Variants in CMPK2 observed in about 807,000 individuals in gnomAD.
CMPK2 encodes the protein cytidine/uridine monophosphate kinase 2, also known as UMP-CMP kinase 2, mitochondrial.
In CMPK2, 32 loss-of-function variants were observed where a neutral mutation model predicts 33.4. The observed-to-expected ratio is 0.96, with a 90% CI of 0.72 to 1.29. The LOEUF is 1.29. CMPK2 is among the 50% of genes most tolerant of loss of function. The pLI, the probability that CMPK2 is intolerant of heterozygous loss-of-function variation, is 0.00. For synonymous variants in CMPK2, 299 were observed against 275.3 expected (o/e 1.09, Z -0.85); for missense variants, 672 against 616.0 (o/e 1.09, Z -0.96).
rs963916762 is a variant in CMPK2, at chr2:6,865,873, C to T, written c.-177G>A. On this transcript the variant is annotated 5_prime_UTR_variant, in exon 1 of 5. Transcript: ENST00000256722. ...CGGGGCAGGAGCCCTGGGGCTGGGG[C>T]GCCCTTCCGGCCTCTCCTCCTCGCC... is the stretch of plus-strand genomic sequence containing the variant. The T allele has an allele frequency of 7.2e-5, 99 of 1,368,160 alleles. No homozygotes were observed. Among genetic ancestry groups the T allele is most frequent in the Non-Finnish European group, 8.6e-5 (91 of 1,062,568 alleles). The allele number at this position is 1,368,160 out of a possible 1,614,324, so 84.8% of individuals were successfully genotyped here. A position where few individuals can be genotyped will look rare whatever the true frequency, so the allele number is the denominator to read the frequency against.
downstream of CMPK2, among the ~76,000 whole-genome samples, chr2:6,847,710 T>C (rs1458547610): frequency 6.6e-6 from 1 of 152,198 alleles, no homozygotes; most frequent in Admixed American, 6.5e-5. Flanking sequence ...CACCTCTGAA[T>C]ACAGCCGATA....
At chr2:6,845,618 T>C (rs1303218608), downstream of CMPK2, among the ~76,000 whole-genome samples, 3 of 152,156 alleles carry the variant, frequency 2.0e-5, no homozygotes, top group African/African-American at 7.2e-5. Flanking sequence ...GCTGGATTCC[T>C]AGACCCACTC....
At chr2:6,862,435 C>G (rs1433506195) in intron 2 of CMPK2, among the ~76,000 whole-genome samples, 1 of 152,242 alleles carries the variant, frequency 6.6e-6, no homozygotes, top group Non-Finnish European at 1.5e-5. Context: ...TTCTGCCACT[C>G]TATGCTAACT....
intron 1 of CMPK2, among the ~76,000 whole-genome samples, chr2:6,864,097 C>G (rs536982183): frequency 2.6e-5 from 4 of 152,194 alleles, no homozygotes. Context: ...TCTCACTGCA[C>G]GCTCACAGCA....
At chr2:6,848,078 GT>G (rs1215771918), downstream of CMPK2, among the ~76,000 whole-genome samples, 1 of 152,152 alleles carries the variant, frequency 6.6e-6, no homozygotes, top group Non-Finnish European at 1.5e-5. Flanking sequence ...AAGTCCAGGT[GT>G]AAAAAGAATG....
At chr2:6,850,834 T>G (rs1466753342) in intron 4 of CMPK2, 1 of 988,784 alleles carries the variant, frequency 1.0e-6, no homozygotes, top group African/African-American at 1.7e-5. Flanking sequence ...TAGAACTGAT[T>G]CATACTCAGT....
rs190579560 is a variant in CMPK2 at position 6,848,759 on chromosome 2, G to T, written c.*1091C>A. The T allele has an allele frequency of 9.3e-5, 92 of 985,772 alleles. No individual in the cohort carries two copies. The highest frequency in any genetic ancestry group is 1.2e-5 in the Non-Finnish European group (10 of 829,892). The allele number at this position is 985,772 out of a possible 1,614,324, so 61.1% of individuals were successfully genotyped here. ...CACCTGGTTCAACCTACTCCCTAAAGTCACACAGCTCTATAATTTCCCCCT... is the reference window on the plus strand; with the variant it reads ...CACCTGGTTCAACCTACTCCCTAAATTCACACAGCTCTATAATTTCCCCCT... On this transcript the variant is annotated 3_prime_UTR_variant, in exon 5 of 5. Transcript: ENST00000256722.
At chr2:6,852,639 C>T (rs796638463) in intron 3 of CMPK2, among the ~76,000 whole-genome samples, 14 of 152,294 alleles carry the variant, frequency 9.2e-5, no homozygotes, top group African/African-American at 3.4e-4. Flanking sequence ...CTATTGTCTC[C>T]TCCATTAGGT....
chr2:6,847,611 G>A (rs188927995), downstream of CMPK2, among the ~76,000 whole-genome samples: 192 of 152,284 alleles, frequency 1.3e-3, no homozygotes, highest in African/African-American at 4.5e-3. Context: ...TGGGCCGAGG[G>A]CTCTCTGGGG....
chr2:6,852,954 T>TTTG (rs1007638727), intron 3 of CMPK2, among the ~76,000 whole-genome samples: 100 of 149,178 alleles, frequency 6.7e-4, no homozygotes, highest in African/African-American at 2.5e-3. Flanking sequence ...CCTTCAATCC[T>TTTG]TTATTTTTGT....
chr2:6,861,253 G>A lies in CMPK2; in HGVS notation c.923C>T (p.Ser308Phe), dbSNP rs778202761. 1.9e-6 allele frequency: 3 copies of A among 1,613,912 alleles called. No individual in the cohort carries two copies. In the African/African-American group the frequency reaches 4.0e-5, roughly 22 times the overall value. The stretch of plus-strand genomic sequence containing the variant: ...GGAGGCCACAATATAATTGCCCAAA[G>A]AGTAAAAAGCTCTTCTAATGATAGT... Reference protein sequence around the residue: ...EPTIIRRAFYSLGNYIVASEI... With the variant: ...EPTIIRRAFYFLGNYIVASEI... The change falls in exon 3 of 5, where the codon TCT (serine) becomes TTT (phenylalanine). Residue 308 changes from serine (S) to phenylalanine (F), a missense_variant. Transcript: ENST00000256722.
chr2:6,844,948 A>G (rs983827319), downstream of CMPK2, among the ~76,000 whole-genome samples: 1 of 152,182 alleles, frequency 6.6e-6, no homozygotes, highest in Non-Finnish European at 1.5e-5. Context: ...GGAGCCCTGA[A>G]TAAGTGAGGC....
In CMPK2 at chr2:6,851,444, A is replaced by C. The variant is rs1662519301; in HGVS notation, c.1226+6T>G. ...CGCTCACATTGCATTGCACTGGGAC[A>C]CCTACTTTTGACGAAACACACTGTT... On this transcript the variant is annotated splice_donor_region_variant and intron_variant, in intron 4 of 4. Transcript: ENST00000256722. 2 of 1,614,078 alleles carry C rather than the reference A, an allele frequency of 1.2e-6. No individual in the cohort carries two copies. The highest frequency in any genetic ancestry group is 2.7e-5 in the African/African-American group (2 of 74,920).
At chr2:6,841,067 G>A in intron 3 of CMPK2, among the ~76,000 whole-genome samples, 1 of 152,064 alleles carries the variant, frequency 6.6e-6, no homozygotes, top group Non-Finnish European at 1.5e-5. Flanking sequence ...CAGTCTTCAA[G>A]CACAATGAAG....
Position 6,849,864 on chromosome 2 carries a change from A to C in CMPK2, c.1336T>G (p.Phe446Val). 1.9e-6 allele frequency: 3 copies of C among 1,613,966 alleles called. No individual in the cohort carries two copies. The highest frequency in any genetic ancestry group is 2.5e-6 in the Non-Finnish European group (3 of 1,179,928). ...GGCCAGAGTAACTACGGTTCACTAA[A>C]ACTATTCTGGATTAGGCTTAATACC... ...QTVLSLIQNS[F>V]SEP The change falls in exon 5 of 5, where the codon TTT (phenylalanine) becomes GTT (valine). Residue 446 changes from phenylalanine to valine, a missense_variant. Transcript: ENST00000256722.
At chr2:6,858,333 C>A (rs1212632320) in intron 3 of CMPK2, among the ~76,000 whole-genome samples, 4 of 152,092 alleles carry the variant, frequency 2.6e-5, no homozygotes, top group Admixed American at 2.0e-4. Flanking sequence ...CTCTTCCCTG[C>A]ATTTATCATG....
In CMPK2 at chr2:6,848,466, C is replaced by A; in HGVS notation, c.*1384G>T. The A allele has an allele frequency of 7.1e-6, 7 of 979,466 alleles. No homozygotes were observed. Among genetic ancestry groups the A allele is most frequent in the Non-Finnish European group, 8.5e-6 (7 of 824,572 alleles). The allele number at this position is 979,466 out of a possible 1,614,324, so 60.7% of individuals were successfully genotyped here. The stretch of plus-strand genomic sequence containing the variant: ...CAGCTAGATACCACATTGCAAAGAA[C>A]CCTAATGCTATTTATCAGCTTTAAA... On this transcript the variant is annotated 3_prime_UTR_variant, in exon 5 of 5. Coordinates refer to ENST00000256722, the MANE Select transcript of CMPK2 (RefSeq NM_207315.4).
In CMPK2 at chr2:6,848,516, A is replaced by T. The variant is rs890340953; in HGVS notation, c.*1334T>A. The T allele has an allele frequency of 6.2e-6, 6 of 960,458 alleles. No homozygotes were observed. The African/African-American group carries it at 1.1e-4, about 17-fold the overall frequency. The allele number at this position is 960,458 out of a possible 1,614,324, so 59.5% of individuals were successfully genotyped here. A position where few individuals can be genotyped will look rare whatever the true frequency, so the allele number is the denominator to read the frequency against. On this transcript the variant is annotated 3_prime_UTR_variant, in exon 5 of 5. Coordinates refer to ENST00000256722, the MANE Select transcript of CMPK2 (RefSeq NM_207315.4). ...AATACTTTCAACTGAAATCAATTAC[A>T]TTTTAATATACACATATTATATAGA...
Position 6,865,607 on chromosome 2 carries a change from C to A in CMPK2, c.90G>T (p.Pro30=). 7.2e-7 allele frequency: 1 copy of A among 1,394,336 alleles called. No individual in the cohort carries two copies. The highest frequency in any genetic ancestry group is 1.5e-5 in the South Asian group (1 of 66,052). The allele number at this position is 1,394,336 out of a possible 1,614,324, so 86.4% of individuals were successfully genotyped here. ...RGVCAGAMAP[P]RRFVLELPDC... is the part of the protein sequence containing the mutation. ...CGGGAAGCTCCAGGACGAAGCGGCGCGGCGGAGCCATGGCCCCAGCGCAGA... is the reference window on the plus strand; with the variant it reads ...CGGGAAGCTCCAGGACGAAGCGGCGAGGCGGAGCCATGGCCCCAGCGCAGA... Residue 30 remains proline, a synonymous_variant, in exon 1 of 5, where the codon CCG becomes CCT. Transcript: ENST00000256722.
Sources: gnomAD v4.1 joint callset for allele counts (sites outside exome capture counted in the v4.1 genomes callset) on GRCh38, gnomAD v4.1.1 for gene constraint, MANE v1.5 for transcripts, NCBI Gene and HGNC (gene_info 2026-07-23, HGNC 2026-07-21) for gene names.